The following EML4 variants were observed in gnomAD, a reference collection of about 807,000 sequenced individuals.
EML4 encodes the protein echinoderm microtubule-associated protein-like 4.
Under a neutral mutation model 129.0 loss-of-function variants are expected in EML4, and 72 were observed. The observed-to-expected ratio is 0.56, with a 90% CI of 0.46 to 0.68. The LOEUF is 0.68. EML4 is among the 30% of genes least tolerant of loss of function. The pLI is 0.00. For synonymous variants in EML4, 532 were observed against 405.0 expected, an observed-to-expected ratio of 1.31 and a Z score of -3.77; for missense variants, 1,363 against 1,190.6, an observed-to-expected ratio of 1.14 and a Z score of -2.13.
intron 1 of EML4, among the ~76,000 whole-genome samples, chr2:42,227,142 G>T (rs527998970): frequency 1.2e-4 from 18 of 151,826 alleles, no homozygotes; most frequent in Non-Finnish European, 1.8e-4. Flanking sequence ...GTAAGATCTC[G>T]CTCTGTTGCC....
chr2:42,269,209 C>CT (rs1666234327), intron 6 of EML4, among the ~76,000 whole-genome samples: 1 of 152,148 alleles, frequency 6.6e-6, no homozygotes, highest in South Asian at 2.1e-4. Flanking sequence ...TATATACTGT[C>CT]TAAAATCCCT....
chr2:42,223,211 C>T (rs2104125853), intron 1 of EML4, among the ~76,000 whole-genome samples: 1 of 152,210 alleles, frequency 6.6e-6, no homozygotes, highest in African/African-American at 2.4e-5. Flanking sequence ...TCCCTCTCTC[C>T]CTGCTACATA....
In EML4 at chr2:42,287,078, C is replaced by G. The variant is rs578209714; in HGVS notation, c.1122+699C>G. Among the ~76,000 whole-genome samples, 238 of 152,244 alleles carry G rather than the reference C, an allele frequency of 1.6e-3. 1 individual carries two copies. Among genetic ancestry groups the G allele is most frequent in the African/African-American group, 5.5e-3 (230 of 41,538 alleles). ...TTTTTAGTTTCAAAGATAAATACCC[C>G]TGTAGATTTTATGTGACCTCAGTTA... On this transcript the variant is annotated intron_variant, in intron 10 of 22. Transcript: ENST00000318522.
At position 42,245,457 on chromosome 2, in the gene EML4, C is replaced by A. The variant is rs756716731; in HGVS notation, c.26-48C>A. 5 of 1,478,392 alleles carry A rather than the reference C, an allele frequency of 3.4e-6. No individual in the cohort carries two copies. In the South Asian group the frequency reaches 3.7e-5, roughly 11 times the overall value. The allele number at this position is 1,478,392 out of a possible 1,614,324, so 91.6% of individuals were successfully genotyped here. On this transcript the variant is annotated intron_variant, in intron 1 of 22. Coordinates refer to ENST00000318522, the MANE Select transcript of EML4 (RefSeq NM_019063.5). The stretch of plus-strand genomic sequence containing the variant: ...TGGTTTTTCTAATCAGAAATTACTT[C>A]TCAAGCAGTTTACTTAAAAATATTC...
chr2:42,233,070 A>G (rs1674449949), intron 1 of EML4, among the ~76,000 whole-genome samples: 1 of 152,004 alleles, frequency 6.6e-6, no homozygotes. Context: ...GCCTCATTCC[A>G]ATGTCTTTTA....
At chr2:42,174,314 G>A (rs1053662633) in intron 1 of EML4, among the ~76,000 whole-genome samples, 18 of 151,970 alleles carry the variant, frequency 1.2e-4, no homozygotes, top group Non-Finnish European at 2.1e-4. Context: ...TGTGTCTGAC[G>A]GAGTCTTGCT....
intron 1 of EML4, among the ~76,000 whole-genome samples, chr2:42,196,537 ACTATGATAAG>A (rs910027084): frequency 6.6e-5 from 10 of 152,312 alleles, no homozygotes; most frequent in African/African-American, 2.2e-4. Context: ...AGACTGTGAG[ACTATGATAAG>A]AGTTCCGTCT....
At chr2:42,323,835 T>C (rs1669648283) in intron 19 of EML4, among the ~76,000 whole-genome samples, 1 of 149,268 alleles carries the variant, frequency 6.7e-6, no homozygotes. Context: ...TCCCAGCTAC[T>C]TGGGAGGCTG....
intron 1 of EML4, among the ~76,000 whole-genome samples, chr2:42,175,623 C>G (rs1180672820): frequency 6.6e-6 from 1 of 151,982 alleles, no homozygotes; most frequent in African/African-American, 2.4e-5. Context: ...CTCAGCCTCC[C>G]GAGTAGCTGA....
rs1275846073 is a variant in EML4, at chr2:42,239,919, G to GA, written c.26-5578dup. Among the ~76,000 whole-genome samples the GA allele has an allele frequency of 2.2e-4, 33 of 151,614 alleles. No homozygotes were observed. In the Middle Eastern group the frequency reaches 0.01, roughly 47 times the overall value. On this transcript the variant is annotated intron_variant, in intron 1 of 22. Coordinates refer to ENST00000318522, the MANE Select transcript of EML4 (RefSeq NM_019063.5). ...TGGGGGCATCTTAGAGATTGGGAGG[G>GA]AAAAAAAATAAGAGCAAAGTTTTCA...
intron 1 of EML4, among the ~76,000 whole-genome samples, chr2:42,219,756 A>G (rs1048999809): frequency 1.3e-5 from 2 of 151,940 alleles, no homozygotes; most frequent in Middle Eastern, 3.4e-3. Context: ...CATCTCTACT[A>G]AAAATACAAA....
At chr2:42,266,407 C>T (rs1666068121) in intron 6 of EML4, among the ~76,000 whole-genome samples, 1 of 152,180 alleles carries the variant, frequency 6.6e-6, no homozygotes, top group African/African-American at 2.4e-5. Flanking sequence ...AGTGCAGTCA[C>T]TGCCTTGGCT....
At chr2:42,240,963 G>A (rs1419006682) in intron 1 of EML4, among the ~76,000 whole-genome samples, 1 of 152,060 alleles carries the variant, frequency 6.6e-6, no homozygotes, top group Non-Finnish European at 1.5e-5. Context: ...TGACCAACAT[G>A]GCAAAACTCC....
chr2:42,207,368 G>C (rs998510194), intron 1 of EML4, among the ~76,000 whole-genome samples: 11 of 151,976 alleles, frequency 7.2e-5, no homozygotes, highest in Non-Finnish European at 1.5e-5. Flanking sequence ...AGTACCTTAA[G>C]GGTGATTGGA....
intron 1 of EML4, among the ~76,000 whole-genome samples, chr2:42,227,626 G>C (rs1433645812): frequency 2.0e-5 from 3 of 151,932 alleles, no homozygotes; most frequent in Non-Finnish European, 4.4e-5. Flanking sequence ...GAACTGTGTG[G>C]GTCCACTTAT....
At chr2:42,328,120 T>C (rs1669909130) in intron 21 of EML4, among the ~76,000 whole-genome samples, 1 of 152,192 alleles carries the variant, frequency 6.6e-6, no homozygotes. Flanking sequence ...TTATTTAAAT[T>C]ATTAAGAGAG....
rs553694963 is a variant in EML4, at chr2:42,282,882, T to C, written c.851T>C (p.Ile284Thr). 84 of 1,612,640 alleles carry C rather than the reference T, an allele frequency of 5.2e-5. No homozygotes were observed. The East Asian group carries it at 1.4e-3, about 28-fold the overall frequency. The change falls in exon 8 of 23, where the codon ATA becomes ACA. Residue 284 changes from isoleucine to threonine, a missense_variant. Physicochemically the swap from Ile to Thr is moderately conservative, Grantham distance 89. Transcript: ENST00000318522. ...GTTTACCTTCTTCCGACCGGGAAAATAGTTTATTTCATTGCATCAGTAGTA... is the reference window on the plus strand; with the variant it reads ...GTTTACCTTCTTCCGACCGGGAAAACAGTTTATTTCATTGCATCAGTAGTA... ...ANVYLLPTGK[I>T]VYFIASVVVL...
rs74816568 is a variant in EML4 at position 42,221,403 on chromosome 2, C to CTTTTTTTTTTTTT, written c.26-24090_26-24078dup. ...AGCACATTGTTTACAACATGGTTTACTTTTTTTTTTTTTTTTTTTTTTTTG... is the reference window on the plus strand; with the variant it reads ...AGCACATTGTTTACAACATGGTTTACTTTTTTTTTTTTTTTTTTTTTTTTTTTTTTTTTTTTTG... On this transcript the variant is annotated intron_variant, in intron 1 of 22. Coordinates refer to ENST00000318522, the MANE Select transcript of EML4 (RefSeq NM_019063.5). 1.3e-3 allele frequency among the ~76,000 whole-genome samples: 142 copies of CTTTTTTTTTTTTT among 108,240 alleles called. 10 individuals are homozygous for CTTTTTTTTTTTTT. The highest frequency in any genetic ancestry group is 4.1e-3 in the African/African-American group (125 of 30,356). 71.0% of individuals were successfully genotyped at this position (108,240 alleles called of 152,430 possible).
intron 1 of EML4, among the ~76,000 whole-genome samples, chr2:42,222,442 C>G (rs1673669212): frequency 6.6e-6 from 1 of 152,080 alleles, no homozygotes; most frequent in Non-Finnish European, 1.5e-5. Context: ...ATTTCAGTGT[C>G]CATAAATAAA....
Sources: allele counts gnomAD v4.1 joint callset (sites outside exome capture counted in the v4.1 genomes callset), GRCh38; gene constraint gnomAD v4.1.1; transcripts MANE v1.5; gene names NCBI Gene and HGNC (gene_info 2026-07-23, HGNC 2026-07-21).